Variants in CDK5RAP2 observed in about 807,000 individuals in gnomAD.
CDK5RAP2 encodes CDK5 regulatory subunit-associated protein 2.
A neutral mutation model predicts 232.9 loss-of-function variants in CDK5RAP2; 147 were observed. The ratio of observed to expected loss-of-function variants is 0.63; its 90% CI spans 0.55 to 0.72. The LOEUF is 0.72. Among genes scored for constraint, CDK5RAP2 ranks in the 30% least tolerant of loss-of-function variants. The probability of loss-of-function intolerance (pLI) is 0.00; values close to 1 mark genes in which losing one functional copy is unlikely to be tolerated. For synonymous variants in CDK5RAP2, 833 were observed against 833.7 expected (o/e 1.00, Z 0.01); for missense variants, 2,195 against 2,231.5 (o/e 0.98, Z 0.33).
chr9:120,570,656 A>G (rs1366123875), intron 2 of CDK5RAP2, among the ~76,000 whole-genome samples: 1 of 151,932 alleles, frequency 6.6e-6, no homozygotes, highest in African/African-American at 2.4e-5. Context: ...CCTGGCCAAC[A>G]TGGTGAACTC....
intron 36 of CDK5RAP2, among the ~76,000 whole-genome samples, chr9:120,390,736 G>A (rs2031875038): frequency 6.6e-6 from 1 of 152,184 alleles, no homozygotes; most frequent in Non-Finnish European, 1.5e-5. Context: ...CGCGCCTTTA[G>A]CCAACAGTGC....
chr9:120,572,133 T>C (rs746110281), intron 1 of CDK5RAP2, 92 bp from the exon 2 acceptor site: 224 of 996,004 alleles, frequency 2.2e-4, no homozygotes, highest in Non-Finnish European at 3.1e-4. Context: ...AATCATCCCA[T>C]GGCCAGGAGG....
At chr9:120,510,477 C>A (rs768406874) in intron 12 of CDK5RAP2, among the ~76,000 whole-genome samples, 5 of 152,264 alleles carry the variant, frequency 3.3e-5, no homozygotes, top group Non-Finnish European at 4.4e-5. Context: ...CCCACACCCA[C>A]CCTGAGTAGA....
chr9:120,564,240 G>A (rs891695312), intron 3 of CDK5RAP2, among the ~76,000 whole-genome samples: 4 of 152,186 alleles, frequency 2.6e-5, no homozygotes, highest in Non-Finnish European at 4.4e-5. Flanking sequence ...GGCCAAGGCA[G>A]GCGGATCACA....
At chr9:120,467,410 T>C (rs1283188133) in intron 18 of CDK5RAP2, among the ~76,000 whole-genome samples, 1 of 152,112 alleles carries the variant, frequency 6.6e-6, no homozygotes, top group Non-Finnish European at 1.5e-5. Flanking sequence ...CGTGGAGACA[T>C]GACTGGAACC....
chr9:120,541,233 C>T (rs1256965018), intron 5 of CDK5RAP2, among the ~76,000 whole-genome samples: 1 of 152,164 alleles, frequency 6.6e-6, no homozygotes, highest in Non-Finnish European at 1.5e-5. Flanking sequence ...TCCACCCTGC[C>T]CACCAGAGTG....
chr9:120,478,383 G>A (rs569826530), intron 14 of CDK5RAP2, among the ~76,000 whole-genome samples: 2 of 152,330 alleles, frequency 1.3e-5, no homozygotes, highest in South Asian at 2.1e-4. Flanking sequence ...CTGGAGGGAT[G>A]AGGATATGGG....
chr9:120,390,437 G>C (rs1360244067), intron 36 of CDK5RAP2, among the ~76,000 whole-genome samples: 1 of 152,202 alleles, frequency 6.6e-6, no homozygotes, highest in East Asian at 1.9e-4. Flanking sequence ...TGGTTGGGTG[G>C]GATGGTTTCA....
chr9:120,484,399 T>C (rs986422344), intron 14 of CDK5RAP2, among the ~76,000 whole-genome samples: 1 of 152,164 alleles, frequency 6.6e-6, no homozygotes, highest in African/African-American at 2.4e-5. Flanking sequence ...TTAAAATTCC[T>C]TTGTTGCTGT....
intron 15 of CDK5RAP2, among the ~76,000 whole-genome samples, chr9:120,474,780 T>G (rs550447352): frequency 6.6e-6 from 1 of 152,356 alleles, no homozygotes; most frequent in East Asian, 1.9e-4. Flanking sequence ...TCCTCCCTTC[T>G]TGACTTCCCT....
rs773227041 is a variant in CDK5RAP2, at chr9:120,477,459, G to T, written c.1627-9C>A. ...GATGATTGTTTCTTTTCCTGGAAAT[G>T]ACAATGGGCATTTGACATTAAGGAA... On this transcript the variant is annotated splice_polypyrimidine_tract_variant and intron_variant, in intron 14 of 37. Transcript: ENST00000349780. The T allele has an allele frequency of 6.2e-5, 99 of 1,591,684 alleles. No individual in the cohort carries two copies. The highest frequency in any genetic ancestry group is 5.9e-5 in the Non-Finnish European group (68 of 1,160,192).
intron 36 of CDK5RAP2, among the ~76,000 whole-genome samples, chr9:120,390,700 T>C (rs201979502): frequency 1.3e-5 from 2 of 152,126 alleles, no homozygotes; most frequent in African/African-American, 2.4e-5. Context: ...ACTCCCCACG[T>C]TGGAAATACC....
chr9:120,522,164 C>T lies in CDK5RAP2; in HGVS notation c.1092+2822G>A, dbSNP rs546150370. ...AGCTAAATATGCACACACCCCCATA[C>T]ATAAACAAATAAATGCATGTCAACT... On this transcript the variant is annotated intron_variant, in intron 11 of 37. Coordinates refer to ENST00000349780, the MANE Select transcript of CDK5RAP2 (RefSeq NM_018249.6). 2.6e-5 allele frequency among the ~76,000 whole-genome samples: 4 copies of T among 152,304 alleles called. No individual in the cohort carries two copies. In the South Asian group the frequency reaches 6.2e-4, roughly 24 times the overall value.
At position 120,545,619 on chromosome 9, in the gene CDK5RAP2, T is replaced by C. The variant is rs1289390346; in HGVS notation, c.383+95A>G. 4 of 945,756 alleles carry C rather than the reference T, an allele frequency of 4.2e-6. No homozygotes were observed. The African/African-American group carries it at 4.8e-5, about 11-fold the overall frequency. 58.6% of individuals were successfully genotyped at this position (945,756 alleles called of 1,614,324 possible). Reference sequence around the variant, plus strand: ...CTCCTTGCAGTCCTCAGAGTCCAGATGGAAACCAACTGTCTTAGAAAAGTG... The same window carrying C: ...CTCCTTGCAGTCCTCAGAGTCCAGACGGAAACCAACTGTCTTAGAAAAGTG... On this transcript the variant is annotated intron_variant, in intron 5 of 37. Transcript: ENST00000349780.
At position 120,389,224 on chromosome 9, in the gene CDK5RAP2, T is replaced by C; in HGVS notation, c.*12A>G. On this transcript the variant is annotated 3_prime_UTR_variant, in exon 38 of 38. Coordinates refer to ENST00000349780, the MANE Select transcript of CDK5RAP2 (RefSeq NM_018249.6). ...TGGGGGAAGCACAAGCTTTATTGGC[T>C]GAAAGTTCTTCTCAGGAGCCTGGTC... 2 of 1,610,368 alleles carry C rather than the reference T, an allele frequency of 1.2e-6. No homozygotes were observed. The highest frequency in any genetic ancestry group is 1.7e-6 in the Non-Finnish European group (2 of 1,177,984).
intron 26 of CDK5RAP2, among the ~76,000 whole-genome samples, chr9:120,422,038 C>T (rs973702566): frequency 1.3e-5 from 2 of 152,372 alleles, no homozygotes; most frequent in African/African-American, 2.4e-5. Flanking sequence ...AGCTCCTTTC[C>T]TCTTCCAAGG....
chr9:120,546,367 C>T (rs144608686), intron 4 of CDK5RAP2, among the ~76,000 whole-genome samples: 3 of 152,332 alleles, frequency 2.0e-5, no homozygotes, highest in Admixed American at 6.5e-5. Flanking sequence ...CAATGTTCTC[C>T]AACCAAATGT....
At chr9:120,518,154 C>T (rs953935622) in intron 12 of CDK5RAP2, among the ~76,000 whole-genome samples, 2 of 134,600 alleles carry the variant, frequency 1.5e-5, no homozygotes, top group Non-Finnish European at 3.2e-5. Context: ...ATTTTCAACT[C>T]GATAACAACT....
intron 2 of CDK5RAP2, among the ~76,000 whole-genome samples, chr9:120,570,611 G>C (rs1040882056): frequency 1.3e-5 from 2 of 151,140 alleles, no homozygotes; most frequent in Admixed American, 6.6e-5. Flanking sequence ...AGGCTGCGGC[G>C]GGTGGATCAC....
Sources: allele counts gnomAD v4.1 joint callset (sites outside exome capture counted in the v4.1 genomes callset), GRCh38; gene constraint gnomAD v4.1.1; transcripts MANE v1.5; gene names NCBI Gene and HGNC (gene_info 2026-07-23, HGNC 2026-07-21).